The following C8orf88 variants were observed in gnomAD, a reference collection of about 807,000 sequenced individuals.
C8orf88 encodes the protein chromosome 8 open reading frame 88.
In C8orf88, 14 loss-of-function variants were observed where a neutral mutation model predicts 18.4. The ratio of observed to expected loss-of-function variants is 0.76; its 90% CI spans 0.50 to 1.19. The LOEUF is 1.19. C8orf88 is among the 50% of genes most tolerant of loss of function. C8orf88 has a pLI of 0.00. For missense variants in C8orf88, 116 were observed against 134.7 expected (o/e 0.86, Z 0.69); for synonymous variants, 45 against 42.9 (o/e 1.05, Z -0.19).
At chr8:90,974,621 GAAGA>G (rs1811322381) in intron 3 of C8orf88, among the ~76,000 whole-genome samples, 1 of 152,092 alleles carries the variant, frequency 6.6e-6, no homozygotes, top group Non-Finnish European at 1.5e-5. Flanking sequence ...ACTTTGTTAT[GAAGA>G]AATAATGAAA....
At chr8:90,967,636 A>AC (rs1306069895) in intron 4 of C8orf88, among the ~76,000 whole-genome samples, 1 of 151,662 alleles carries the variant, frequency 6.6e-6, no homozygotes, top group African/African-American at 2.4e-5. Context: ...TTCTTGAGTT[A>AC]GTTTTGGTAA....
At chr8:90,976,660 A>G (rs865998700) in intron 3 of C8orf88, among the ~76,000 whole-genome samples, 4 of 152,174 alleles carry the variant, frequency 2.6e-5, no homozygotes, top group African/African-American at 7.2e-5. Context: ...CAGAACAGAT[A>G]TATCTATATG....
At position 90,973,815 on chromosome 8, in the gene C8orf88, C is replaced by G. The variant is rs1007151626; in HGVS notation, c.148-2674G>C. On this transcript the variant is annotated intron_variant, in intron 3 of 5. Transcript: ENST00000517562. Reference sequence around the variant, plus strand: ...ATTCTATAGCAAGAATGTTCCCAGCCTCTTGTCACTCATCTTAAACAAATG... The same window carrying G: ...ATTCTATAGCAAGAATGTTCCCAGCGTCTTGTCACTCATCTTAAACAAATG... Among the ~76,000 whole-genome samples, 3 of 152,060 alleles carry G rather than the reference C, an allele frequency of 2.0e-5. No homozygotes were observed. In the East Asian group the frequency reaches 5.8e-4, roughly 29 times the overall value.
rs1350933823 is a variant in C8orf88, at chr8:90,958,600, G to A, written c.*407C>T. On this transcript the variant is annotated 3_prime_UTR_variant, in exon 6 of 6. Coordinates refer to ENST00000517562, the MANE Select transcript of C8orf88 (RefSeq NM_001190972.2). Reference sequence around the variant, plus strand: ...ATCAGTGGGAAGCAGAACAACAGAAGGAACTTTAAAAGCAACAAGCAATTA... The same window carrying A: ...ATCAGTGGGAAGCAGAACAACAGAAAGAACTTTAAAAGCAACAAGCAATTA... The A allele has an allele frequency of 1.8e-5, 3 of 169,506 alleles. No homozygotes were observed. Among genetic ancestry groups the A allele is most frequent in the Non-Finnish European group, 3.7e-5 (3 of 80,264 alleles). The allele number at this position is 169,506 out of a possible 1,614,324, so 10.5% of individuals were successfully genotyped here.
At chr8:90,972,922 ATC>A (rs1811303957) in intron 3 of C8orf88, among the ~76,000 whole-genome samples, 1 of 151,980 alleles carries the variant, frequency 6.6e-6, no homozygotes, top group African/African-American at 2.4e-5. Context: ...TAATTTTTCA[ATC>A]CTCTTCTAAT....
chr8:90,961,787 TGAAGG>T, intron 4 of C8orf88, among the ~76,000 whole-genome samples: 1 of 151,442 alleles, frequency 6.6e-6, no homozygotes, highest in South Asian at 2.1e-4. Flanking sequence ...AATATATAGA[TGAAGG>T]GTGTGGCTAT....
intron 1 of C8orf88, among the ~76,000 whole-genome samples, chr8:90,980,985 G>T (rs763570362): frequency 5.3e-5 from 8 of 151,830 alleles, no homozygotes; most frequent in Non-Finnish European, 8.8e-5. Flanking sequence ...TCTTTCTTCC[G>T]AATTTGGCTT....
chr8:90,983,283 C>T (rs1208851510), intron 1 of C8orf88, among the ~76,000 whole-genome samples: 1 of 151,686 alleles, frequency 6.6e-6, no homozygotes, highest in Non-Finnish European at 1.5e-5. Context: ...TCCAATGTCT[C>T]CAAAAAAACT....
intron 4 of C8orf88, among the ~76,000 whole-genome samples, chr8:90,963,274 A>G (rs1811152606): frequency 6.6e-6 from 1 of 151,702 alleles, no homozygotes; most frequent in Non-Finnish European, 1.5e-5. Context: ...AGATTTTACA[A>G]TATTAGTTTG....
At chr8:90,979,626 A>G (rs1474591096) in intron 2 of C8orf88, among the ~76,000 whole-genome samples, 1 of 152,224 alleles carries the variant, frequency 6.6e-6, no homozygotes, top group Non-Finnish European at 1.5e-5. Context: ...CAAAGTATCT[A>G]TATTTTCCCA....
intron 1 of C8orf88, among the ~76,000 whole-genome samples, chr8:90,984,539 TC>T (rs1213333366): frequency 3.9e-5 from 6 of 152,204 alleles, no homozygotes; most frequent in African/African-American, 1.4e-4. Context: ...CAACATATCT[TC>T]CATTTCATGC....
At chr8:90,970,993 A>G in intron 4 of C8orf88, 73 bp downstream of exon 4, 1 of 852,904 alleles carries the variant, frequency 1.2e-6, no homozygotes, top group South Asian at 1.9e-5. Flanking sequence ...CATCTAAGTG[A>G]TAAAGTAATA....
intron 4 of C8orf88, among the ~76,000 whole-genome samples, chr8:90,961,408 C>T (rs147024442): frequency 1.3e-3 from 191 of 151,216 alleles, no homozygotes; most frequent in Non-Finnish European, 2.3e-3. Flanking sequence ...AAACAATCAC[C>T]AAGACAGATT....
chr8:90,968,467 T>C (rs1297946080), intron 4 of C8orf88, among the ~76,000 whole-genome samples: 2 of 151,174 alleles, frequency 1.3e-5, no homozygotes, highest in Non-Finnish European at 3.0e-5. Flanking sequence ...GAGCTAAAAC[T>C]ATAAAACTCT....
intron 4 of C8orf88, among the ~76,000 whole-genome samples, chr8:90,966,507 A>G (rs1811201101): frequency 1.4e-5 from 2 of 147,660 alleles, no homozygotes; most frequent in African/African-American, 4.9e-5. Flanking sequence ...GTATAATAAT[A>G]ATAATAATAA....
intron 4 of C8orf88, among the ~76,000 whole-genome samples, chr8:90,967,088 T>C (rs370615825): frequency 1.5e-4 from 23 of 151,980 alleles, no homozygotes; most frequent in African/African-American, 5.5e-4. Flanking sequence ...AACATAACAT[T>C]GAAAAAAGAA....
chr8:90,982,369 T>C (rs1811446209), intron 1 of C8orf88, among the ~76,000 whole-genome samples: 1 of 152,194 alleles, frequency 6.6e-6, no homozygotes, highest in South Asian at 2.1e-4. Flanking sequence ...CTAGCTATTT[T>C]AGTTAAGACC....
chr8:90,970,819 C>T (rs891414967), intron 4 of C8orf88, among the ~76,000 whole-genome samples: 5 of 152,034 alleles, frequency 3.3e-5, no homozygotes, highest in African/African-American at 1.2e-4. Flanking sequence ...AAGATCATTA[C>T]AACAGTTCAG....
rs535483143 is a variant in C8orf88 at position 90,965,446 on chromosome 8, T to C, written c.224-4598A>G. Among the ~76,000 whole-genome samples the C allele has an allele frequency of 2.1e-4, 32 of 151,828 alleles. No individual in the cohort carries two copies. In the East Asian group the frequency reaches 6.2e-3, roughly 29 times the overall value. On this transcript the variant is annotated intron_variant, in intron 4 of 5. Coordinates refer to ENST00000517562, the MANE Select transcript of C8orf88 (RefSeq NM_001190972.2). ...ACAATATCCCATTCTCAATATTGGA[T>C]AGGAAAACTTAACAGAAGATCAACA...
Sources: allele counts gnomAD v4.1 joint callset (sites outside exome capture counted in the v4.1 genomes callset), GRCh38; gene constraint gnomAD v4.1.1; transcripts MANE v1.5; gene names NCBI Gene and HGNC (gene_info 2026-07-23, HGNC 2026-07-21).